Variants in TRUB2 observed in about 807,000 individuals in gnomAD.
TRUB2 encodes the protein TruB pseudouridine synthase family member 2, also known as pseudouridylate synthase TRUB2, mitochondrial.
In TRUB2, 31 loss-of-function variants were observed where a neutral mutation model predicts 31.9. The observed-to-expected ratio is 0.97, with a 90% confidence interval of 0.73 to 1.31. The LOEUF (loss-of-function observed/expected upper bound fraction) is 1.31. Among genes scored for constraint, TRUB2 ranks in the 50% most tolerant of loss-of-function variants. TRUB2 has a pLI of 0.00. For synonymous variants in TRUB2, 201 were observed against 182.6 expected (o/e 1.10, Z -0.81); for missense variants, 451 against 439.6 (o/e 1.03, Z -0.23).
In TRUB2 at chr9:128,322,301, C is replaced by T; in HGVS notation, c.108G>A (p.Lys36=). The T allele has an allele frequency of 6.2e-7, 1 of 1,613,646 alleles. No homozygotes were observed. The highest frequency in any genetic ancestry group is 8.5e-7 in the Non-Finnish European group (1 of 1,179,564). ...LRDTVELQLL[K]GLNARKPPAP... ...GTGGGTCTGGTTCGAGGCACTCACC[C>T]TTCAGAAGTTGTAGCTCCACTGTAT... The change falls in exon 1 of 8, where the codon AAG becomes AAA. Residue 36 remains lysine, a splice_region_variant and synonymous_variant. Coordinates refer to ENST00000372890, the MANE Select transcript of TRUB2 (RefSeq NM_015679.3).
rs1168012912 is a variant in TRUB2, at chr9:128,322,401, G to C, written c.8C>G (p.Ser3Cys). The C allele has an allele frequency of 6.2e-7, 1 of 1,614,150 alleles. No homozygotes were observed. Among genetic ancestry groups the C allele is most frequent in the Admixed American group, 1.7e-5 (1 of 60,020 alleles). ...CCCATGCAGCCGCGACAAGCCAGCA[G>C]ACCCCATACTTGAAGATCACAGCAC... Reference protein sequence around the residue: MGSAGLSRLHGLF... With the variant: MGCAGLSRLHGLF... Residue 3 changes from serine (S) to cysteine (C), a missense_variant, in exon 1 of 8, where the codon TCT (serine) becomes TGT (cysteine). By Grantham distance (112) the Ser-to-Cys change is moderately radical. Transcript: ENST00000372890.
chr9:128,313,757 C>T (rs1832019078), intron 5 of TRUB2, 51 bp downstream of exon 5: 2 of 1,560,266 alleles, frequency 1.3e-6, no homozygotes, highest in Admixed American at 1.7e-5. Flanking sequence ...GGAGAGGACT[C>T]AGGGAAAGCA....
Position 128,306,114 on chromosome 9 carries a change from G to A in TRUB2, c.*3436C>T, listed in dbSNP as rs2131437415. On this transcript the variant is annotated 3_prime_UTR_variant, in exon 8 of 8. Coordinates refer to ENST00000372890, the MANE Select transcript of TRUB2 (RefSeq NM_015679.3). ...TCTCAGAGTTAAAGACACAGGATAA[G>A]GAAAACATCTCCTTATCCAAGTGAT... is the stretch of plus-strand genomic sequence containing the variant. 1 of 152,280 alleles carries A rather than the reference G, an allele frequency of 6.6e-6. No individual in the cohort carries two copies. Among genetic ancestry groups the A allele is most frequent in the South Asian group, 2.1e-4 (1 of 4,824 alleles). The allele number at this position is 152,280 out of a possible 1,614,324, so 9.4% of individuals were successfully genotyped here. A position where few individuals can be genotyped will look rare whatever the true frequency, so the allele number is the denominator to read the frequency against.
At chr9:128,318,348 C>CAAAT (rs200934508) in intron 2 of TRUB2, among the ~76,000 whole-genome samples, 3,387 of 152,108 alleles carry the variant, frequency 0.022, 48 homozygotes, top group Non-Finnish European at 0.035. Flanking sequence ...AAGACTCTGT[C>CAAAT]AAATAAATAA....
At chr9:128,317,110 C>T in intron 3 of TRUB2, 42 bp downstream of exon 3, 1 of 1,529,738 alleles carries the variant, frequency 6.5e-7, no homozygotes. Context: ...GATCTTTTCT[C>T]AAGCCTTATC....
In TRUB2 at chr9:128,318,327, G is replaced by C. The variant is rs572182755; in HGVS notation, c.242-1101C>G. On this transcript the variant is annotated intron_variant, in intron 2 of 7. Coordinates refer to ENST00000372890, the MANE Select transcript of TRUB2 (RefSeq NM_015679.3). ...CCACTGCACTCCAGACTCCAGCCTG[G>C]GCAACAGAGCAAGACTCTGTCAAAT... Among the ~76,000 whole-genome samples the C allele has an allele frequency of 3.3e-5, 5 of 152,072 alleles. No homozygotes were observed. In the East Asian group the frequency reaches 7.7e-4, roughly 24 times the overall value.
chr9:128,315,246 G>A (rs767695370), intron 4 of TRUB2, among the ~76,000 whole-genome samples: 21 of 152,120 alleles, frequency 1.4e-4, no homozygotes, highest in Non-Finnish European at 2.1e-4. Context: ...ACATGACCTA[G>A]GTAAGTAACA....
At chr9:128,322,151 A>C in intron 1 of TRUB2, 149 bp downstream of exon 1, 1 of 637,344 alleles carries the variant, frequency 1.6e-6, no homozygotes, top group Non-Finnish European at 2.8e-6. Flanking sequence ...GAAAGTGAGG[A>C]GTAAGAAAGC....
chr9:128,309,381 G>A lies in TRUB2; in HGVS notation c.*169C>T, dbSNP rs372307838. 275 of 678,714 alleles carry A rather than the reference G, an allele frequency of 4.1e-4. 2 individuals are homozygous for A. The highest frequency in any genetic ancestry group is 4.0e-3 in the African/African-American group (220 of 55,444). The allele number at this position is 678,714 out of a possible 1,614,324, so 42.0% of individuals were successfully genotyped here. A position where few individuals can be genotyped will look rare whatever the true frequency, so the allele number is the denominator to read the frequency against. On this transcript the variant is annotated 3_prime_UTR_variant, in exon 8 of 8. Coordinates refer to ENST00000372890, the MANE Select transcript of TRUB2 (RefSeq NM_015679.3). ...TTACTGTCTTTTCCTCCATACAGAAGTTTTTCCTTCTCAGTTGGGTCAAGT... is the reference window on the plus strand; with the variant it reads ...TTACTGTCTTTTCCTCCATACAGAAATTTTTCCTTCTCAGTTGGGTCAAGT...
intron 2 of TRUB2, among the ~76,000 whole-genome samples, chr9:128,318,324 C>A (rs1466238515): frequency 6.6e-6 from 1 of 152,108 alleles, no homozygotes; most frequent in Non-Finnish European, 1.5e-5. Context: ...AGACTCCAGC[C>A]TGGGCAACAG....
intron 1 of TRUB2, 113 bp downstream of exon 1, chr9:128,322,187 G>C: frequency 1.2e-6 from 1 of 817,702 alleles, no homozygotes; most frequent in Non-Finnish European, 2.0e-6. Context: ...TTGGGAAAGC[G>C]CTCTGCCCAG....
chr9:128,311,409 T>G, intron 6 of TRUB2, 120 bp downstream of exon 6: 1 of 1,020,000 alleles, frequency 9.8e-7, no homozygotes, highest in Non-Finnish European at 1.5e-6. Flanking sequence ...AACAGGTAGC[T>G]CCCGTCTGGT....
chr9:128,311,495 G>A (rs1156780278), intron 6 of TRUB2, 34 bp downstream of exon 6: 3 of 1,609,226 alleles, frequency 1.9e-6, no homozygotes, highest in East Asian at 4.5e-5. Flanking sequence ...GGCACTTACT[G>A]CTCTCCCAGT....
In TRUB2 at chr9:128,311,574, C is replaced by G; in HGVS notation, c.488G>C (p.Arg163Pro). ...GGAGCCTTGGATAACGGCCAGAATGCGGTCCAGCTTCTCTCTGGTCACGTG... is the reference window on the plus strand; with the variant it reads ...GGAGCCTTGGATAACGGCCAGAATGGGGTCCAGCTTCTCTCTGGTCACGTG... ...YDHVTREKLD[R>P]ILAVIQGSHQ... The change falls in exon 6 of 8, where the codon CGC becomes CCC. Residue 163 changes from arginine (R) to proline (P), a missense_variant. Arg to Pro is a moderately radical substitution (Grantham distance 103). Transcript: ENST00000372890. The G allele has an allele frequency of 6.2e-7, 1 of 1,613,946 alleles. No individual in the cohort carries two copies. The highest frequency in any genetic ancestry group is 1.7e-5 in the Admixed American group (1 of 59,980).
intron 4 of TRUB2, 22 bp downstream of exon 4, chr9:128,315,545 G>T (rs1435883470): frequency 1.2e-6 from 2 of 1,611,124 alleles, no homozygotes; most frequent in Non-Finnish European, 1.7e-6. Flanking sequence ...GGGAGAAGCA[G>T]GCTGTCCCCA....
chr9:128,318,360 T>A (rs531186657), intron 2 of TRUB2, among the ~76,000 whole-genome samples: 1 of 151,930 alleles, frequency 6.6e-6, no homozygotes, highest in Non-Finnish European at 1.5e-5. Context: ...AATAAATAAA[T>A]AAATAAACTT....
chr9:128,316,578 T>A (rs1832072577), intron 3 of TRUB2: 1 of 153,078 alleles, frequency 6.5e-6, no homozygotes, highest in Admixed American at 6.5e-5. Flanking sequence ...GGGCATGAGA[T>A]CATGTCTGCC....
intron 4 of TRUB2, 90 bp downstream of exon 4, chr9:128,315,477 C>A (rs960967543): frequency 1.5e-6 from 2 of 1,362,960 alleles, no homozygotes; most frequent in African/African-American, 2.9e-5. Context: ...CTTGGGTGTT[C>A]CCCCACGGAA....
intron 5 of TRUB2, 137 bp downstream of exon 5, chr9:128,313,671 A>T: frequency 1.3e-6 from 1 of 744,294 alleles, no homozygotes; most frequent in Non-Finnish European, 2.4e-6. Context: ...TGGAGCACAG[A>T]TCCCGTGGCC....
Sources: gnomAD v4.1 joint callset for allele counts (sites outside exome capture counted in the v4.1 genomes callset) on GRCh38, gnomAD v4.1.1 for gene constraint, MANE v1.5 for transcripts, NCBI Gene and HGNC (gene_info 2026-07-23, HGNC 2026-07-21) for gene names.